ZBTB10: variants seen among roughly 807,000 people sequenced by gnomAD.
ZBTB10 encodes the protein zinc finger and BTB domain containing 10.
ZBTB10 carries 32 observed loss-of-function variants against 76.4 expected under a neutral mutation model. That is an observed-to-expected ratio of 0.42 (90% CI 0.32 to 0.56). The LOEUF (loss-of-function observed/expected upper bound fraction) is 0.56, where lower values mean the gene tolerates loss of function less well. Among genes scored for constraint, ZBTB10 ranks in the 20% least tolerant of loss-of-function variants. The pLI is 0.14. For missense variants in ZBTB10, 1,057 were observed against 1,098.5 expected (o/e 0.96, Z 0.53); for synonymous variants, 523 against 432.9 (o/e 1.21, Z -2.58).
chr8:80,499,048 G>A (rs1472021819), intron 1 of ZBTB10, among the ~76,000 whole-genome samples: 1 of 152,094 alleles, frequency 6.6e-6, no homozygotes, highest in Non-Finnish European at 1.5e-5. Context: ...TTTATTAATG[G>A]TAGATAGGGT....
intron 1 of ZBTB10, among the ~76,000 whole-genome samples, chr8:80,498,800 T>C (rs1399812991): frequency 6.6e-6 from 1 of 152,246 alleles, no homozygotes; most frequent in African/African-American, 2.4e-5. Context: ...AAGCAAAATT[T>C]ATAAACATTT....
In ZBTB10 at chr8:80,486,609, G is replaced by T; in HGVS notation, c.-202G>T. ...CGGTCGGAGGCGTCGGCCCGGCAGC[G>T]GCAGCGGCAGCGGACGCGTGCAGCA... is the stretch of plus-strand genomic sequence containing the variant. On this transcript the variant is annotated 5_prime_UTR_variant, in exon 1 of 6. Transcript: ENST00000455036. 2.0e-6 allele frequency: 2 copies of T among 987,308 alleles called. No homozygotes were observed. The highest frequency in any genetic ancestry group is 5.2e-4 in the Middle Eastern group (1 of 1,922). The allele number at this position is 987,308 out of a possible 1,614,324, so 61.2% of individuals were successfully genotyped here.
In ZBTB10 at chr8:80,495,857, G is replaced by A. The variant is rs1815769891; in HGVS notation, c.973-3637G>A. ...AAATTTTGGAAGACTTGATATTGAG[G>A]TCTCATCCAGACTAAAGTTTTACTA... is the stretch of plus-strand genomic sequence containing the variant. On this transcript the variant is annotated intron_variant, in intron 1 of 5. Transcript: ENST00000455036. 2.0e-5 allele frequency among the ~76,000 whole-genome samples: 3 copies of A among 152,100 alleles called. No individual in the cohort carries two copies. The South Asian group carries it at 6.2e-4, about 32-fold the overall frequency.
rs1816470934 is a variant in ZBTB10 at position 80,522,545 on chromosome 8, T to C, written c.*3017T>C. The C allele has an allele frequency of 6.6e-6, 1 of 151,812 alleles. No homozygotes were observed. The highest frequency in any genetic ancestry group is 2.1e-4 in the South Asian group (1 of 4,828). The allele number at this position is 151,812 out of a possible 1,614,324, so 9.4% of individuals were successfully genotyped here. A position where few individuals can be genotyped will look rare whatever the true frequency, so the allele number is the denominator to read the frequency against. Reference sequence around the variant, plus strand: ...TTGCTAAATTTAGCACACTAGCAATTAAGAGTTTAAAAAAGAAGAAACGTT... The same window carrying C: ...TTGCTAAATTTAGCACACTAGCAATCAAGAGTTTAAAAAAGAAGAAACGTT... On this transcript the variant is annotated 3_prime_UTR_variant, in exon 6 of 6. Transcript: ENST00000455036.
rs1816189220 is a variant in ZBTB10, at chr8:80,511,322, A to G, written c.1862-2588A>G. Among the ~76,000 whole-genome samples, 4 of 152,216 alleles carry G rather than the reference A, an allele frequency of 2.6e-5. No homozygotes were observed. In the South Asian group the frequency reaches 8.3e-4, roughly 32 times the overall value. ...GGAAATGCCTCTTAAGAGTTGAGGA[A>G]AGCCTTCAACAATTCACTGTAGAAT... On this transcript the variant is annotated intron_variant, in intron 2 of 5. Coordinates refer to ENST00000455036, the MANE Select transcript of ZBTB10 (RefSeq NM_001105539.3).
chr8:80,507,618 A>G (rs528509082), intron 2 of ZBTB10, among the ~76,000 whole-genome samples: 1 of 152,080 alleles, frequency 6.6e-6, no homozygotes, highest in South Asian at 2.1e-4. Context: ...CATCTCAAAA[A>G]AAAAATCTCC....
rs1485988713 is a variant in ZBTB10 at position 80,522,557 on chromosome 8, AAAG to A, written c.*3035_*3037del. 3 of 151,926 alleles carry A rather than the reference AAAG, an allele frequency of 2.0e-5. No homozygotes were observed. The highest frequency in any genetic ancestry group is 3.8e-4 in the East Asian group (2 of 5,198). The allele number at this position is 151,926 out of a possible 1,614,324, so 9.4% of individuals were successfully genotyped here. On this transcript the variant is annotated 3_prime_UTR_variant, in exon 6 of 6. Transcript: ENST00000455036. ...GCACACTAGCAATTAAGAGTTTAAA[AAAG>A]AAGAAACGTTATAGGAAAGGGAAAC...
intron 2 of ZBTB10, among the ~76,000 whole-genome samples, chr8:80,501,282 A>G (rs965520530): frequency 2.0e-5 from 3 of 152,082 alleles, no homozygotes; most frequent in Non-Finnish European, 4.4e-5. Context: ...TCTTCAATAT[A>G]TTTCTCTCCA....
At chr8:80,513,553 A>G (rs1816251510) in intron 2 of ZBTB10, among the ~76,000 whole-genome samples, 1 of 152,220 alleles carries the variant, frequency 6.6e-6, no homozygotes, top group Non-Finnish European at 1.5e-5. Flanking sequence ...TTTGAGCGTC[A>G]AGTACCATAA....
chr8:80,521,790 T>C lies in ZBTB10; in HGVS notation c.*2262T>C, dbSNP rs906028895. 3 of 151,880 alleles carry C rather than the reference T, an allele frequency of 2.0e-5. No individual in the cohort carries two copies. Among genetic ancestry groups the C allele is most frequent in the African/African-American group, 4.8e-5 (2 of 41,436 alleles). 9.4% of individuals were successfully genotyped at this position (151,880 alleles called of 1,614,324 possible). ...CACTTGGTACACTACGGGATTGTTGTGCTTTTGTTTGGTTTTAGTTGGAAA... is the reference window on the plus strand; with the variant it reads ...CACTTGGTACACTACGGGATTGTTGCGCTTTTGTTTGGTTTTAGTTGGAAA... On this transcript the variant is annotated 3_prime_UTR_variant, in exon 6 of 6. Transcript: ENST00000455036.
intron 1 of ZBTB10, 82 bp downstream of exon 1, chr8:80,487,864 G>GA (rs1438234217): frequency 3.5e-5 from 50 of 1,430,832 alleles, no homozygotes; most frequent in South Asian, 5.9e-5. Flanking sequence ...ACCCACCCCC[G>GA]AAAAAAAACC....
chr8:80,513,935 G>A lies in ZBTB10; in HGVS notation c.1887G>A (p.Gly629=), dbSNP rs1172447167. Residue 629 remains glycine (G), a synonymous_variant, in exon 3 of 6, where the codon GGG becomes GGA. Coordinates refer to ENST00000455036, the MANE Select transcript of ZBTB10 (RefSeq NM_001105539.3). ...EPDLDGALLS[G]PDGDRNVNAN... ...ATTTAGATGGTGCTCTACTCTCGGG[G>A]CCAGATGGTGATAGGAATGTGAATG... 6.2e-7 allele frequency: 1 copy of A among 1,613,516 alleles called. No homozygotes were observed. Among genetic ancestry groups the A allele is most frequent in the Non-Finnish European group, 8.5e-7 (1 of 1,179,616 alleles).
At chr8:80,493,193 A>ACT (rs1554551207) in intron 1 of ZBTB10, among the ~76,000 whole-genome samples, 1 of 124,446 alleles carries the variant, frequency 8.0e-6, no homozygotes, top group Non-Finnish European at 1.7e-5. Context: ...GTGCCTCAAA[A>ACT]CGCGCGCGCG....
chr8:80,489,301 A>AT, intron 1 of ZBTB10, among the ~76,000 whole-genome samples: 1 of 152,170 alleles, frequency 6.6e-6, no homozygotes, highest in East Asian at 1.9e-4. Context: ...CAAAGTATTT[A>AT]TTTTTTGTTC....
Position 80,487,420 on chromosome 8 carries a change from T to TGCAGCA in ZBTB10, c.618_623dup (p.Ser206_Ser207dup). On this transcript the variant is annotated inframe_insertion, in exon 1 of 6. Transcript: ENST00000455036. ...CGGCAGCGGGGCGGAAGGCGGCAGCTGCAGCAGCAGCAGGCGGTCGGGCGG... is the reference window on the plus strand; with the variant it reads ...CGGCAGCGGGGCGGAAGGCGGCAGCTGCAGCAGCAGCAGCAGCAGGCGGTCGGGCGG... 6.5e-7 allele frequency: 1 copy of TGCAGCA among 1,542,148 alleles called. No homozygotes were observed. The highest frequency in any genetic ancestry group is 8.8e-7 in the Non-Finnish European group (1 of 1,141,292).
In ZBTB10 at chr8:80,515,202, C is replaced by G. The variant is rs375425519; in HGVS notation, c.1960+1194C>G. Among the ~76,000 whole-genome samples, 12 of 152,156 alleles carry G rather than the reference C, an allele frequency of 7.9e-5. 1 individual carries two copies. The highest frequency in any genetic ancestry group is 2.9e-4 in the African/African-American group (12 of 41,516). On this transcript the variant is annotated intron_variant, in intron 3 of 5. Transcript: ENST00000455036. ...CTTGAAGTTATGAGCATGCATGTTT[C>G]TAAATAGTGCATAGAAAGCATGTAT...
At chr8:80,485,893 G>A, upstream of ZBTB10, 1 of 1,535,184 alleles carries the variant, frequency 6.5e-7, no homozygotes, top group Non-Finnish European at 8.7e-7. Flanking sequence ...GGTGCGTGTG[G>A]GCAGCGGGGA....
chr8:80,517,650 C>T (rs1291950400), intron 3 of ZBTB10, among the ~76,000 whole-genome samples: 1 of 151,824 alleles, frequency 6.6e-6, no homozygotes, highest in Non-Finnish European at 1.5e-5. Context: ...TTTTTCTGTA[C>T]CAATTAATCT....
rs1816560007 is a variant in ZBTB10 at position 80,526,264 on chromosome 8, G to A, written c.*6736G>A. ...TACATCAATAAAGGTATTTTAAAAT[G>A]ACCTAATGTTTTAGTTGCCAACATG... On this transcript the variant is annotated 3_prime_UTR_variant, in exon 6 of 6. Transcript: ENST00000455036. 6.6e-6 allele frequency: 1 copy of A among 152,100 alleles called. No individual in the cohort carries two copies. The highest frequency in any genetic ancestry group is 1.5e-5 in the Non-Finnish European group (1 of 68,012). 9.4% of individuals were successfully genotyped at this position (152,100 alleles called of 1,614,324 possible). A position where few individuals can be genotyped will look rare whatever the true frequency, so the allele number is the denominator to read the frequency against.
Sources: gnomAD v4.1 joint callset for allele counts (sites outside exome capture counted in the v4.1 genomes callset) on GRCh38, gnomAD v4.1.1 for gene constraint, MANE v1.5 for transcripts, NCBI Gene and HGNC (gene_info 2026-07-23, HGNC 2026-07-21) for gene names.